The following AFF3 variants were observed in gnomAD, a reference collection of about 807,000 sequenced individuals.
AFF3 encodes the protein AF4/FMR2 family member 3.
Under a neutral mutation model 129.7 loss-of-function variants are expected in AFF3, and 32 were observed. That is an observed-to-expected ratio of 0.25 (90% CI 0.19 to 0.33). The LOEUF (loss-of-function observed/expected upper bound fraction) is 0.33. AFF3 is among the 10% of genes least tolerant of loss of function. AFF3 has a pLI of 1.00. For missense variants in AFF3, 1,373 were observed against 1,592.0 expected, an observed-to-expected ratio of 0.86 and a Z score of 2.34; for synonymous variants, 644 against 635.4, an observed-to-expected ratio of 1.01 and a Z score of -0.20.
chr2:99,895,365 C>T (rs1476072568), intron 7 of AFF3, among the ~76,000 whole-genome samples: 5 of 152,046 alleles, frequency 3.3e-5, no homozygotes, highest in Admixed American at 3.3e-4. Context: ...TAAGTTGAAC[C>T]GCAATTCAGA....
chr2:99,794,651 T>A (rs1302955270), intron 8 of AFF3, among the ~76,000 whole-genome samples: 1 of 152,170 alleles, frequency 6.6e-6, no homozygotes, highest in South Asian at 2.1e-4. Context: ...GTATCTCCAC[T>A]TTAGTATTCT....
chr2:99,678,854 T>G (rs1450199125), intron 11 of AFF3, among the ~76,000 whole-genome samples: 1 of 152,214 alleles, frequency 6.6e-6, no homozygotes, highest in Admixed American at 6.5e-5. Context: ...GAGGGAAAGT[T>G]ATACAACTCA....
At chr2:100,106,149 CCTT>C in intron 2 of AFF3, 1 of 1,227,298 alleles carries the variant, frequency 8.1e-7, no homozygotes, top group South Asian at 1.4e-5. Context: ...AGCCTGGCTC[CCTT>C]CTTCCCCCAG....
intron 8 of AFF3, among the ~76,000 whole-genome samples, chr2:99,773,347 G>A (rs1222670726): frequency 6.6e-6 from 1 of 152,174 alleles, no homozygotes; most frequent in African/African-American, 2.4e-5. Flanking sequence ...CGTGAGGTAG[G>A]ATAAGACAAT....
intron 7 of AFF3, among the ~76,000 whole-genome samples, chr2:99,943,068 C>A (rs1160129507): frequency 6.6e-6 from 1 of 152,170 alleles, no homozygotes; most frequent in Non-Finnish European, 1.5e-5. Context: ...AGATCAATGG[C>A]CATACGAAAG....
At chr2:100,006,512 C>T in intron 7 of AFF3, 120 bp downstream of exon 7, 2 of 1,290,696 alleles carry the variant, frequency 1.5e-6, no homozygotes, top group South Asian at 1.7e-5. Flanking sequence ...GCTACAAATC[C>T]TACCACATGA....
chr2:99,774,936 A>C (rs10865032), intron 8 of AFF3, among the ~76,000 whole-genome samples: 111,614 of 152,150 alleles, frequency 0.73, 42,074 homozygotes, highest in South Asian at 0.9. Context: ...TAGGCAAAGG[A>C]CATGAACAGA....
chr2:99,679,446 G>A (rs1480522026), intron 11 of AFF3, among the ~76,000 whole-genome samples: 2 of 152,112 alleles, frequency 1.3e-5, no homozygotes, highest in African/African-American at 4.8e-5. Flanking sequence ...TTCCCTGGGG[G>A]ACGGCATCTC....
intron 1 of AFF3, among the ~76,000 whole-genome samples, chr2:100,142,115 T>A (rs550471537): frequency 6.6e-6 from 1 of 152,106 alleles, no homozygotes; most frequent in African/African-American, 2.4e-5. Context: ...AACATGAGGT[T>A]AAGACACACT....
At chr2:100,104,855 C>T in intron 3 of AFF3, 5 of 494,460 alleles carry the variant, frequency 1.0e-5, no homozygotes, top group Non-Finnish European at 1.3e-5. Flanking sequence ...CCGCCTCTTT[C>T]TCCTCCGGGA....
intron 7 of AFF3, among the ~76,000 whole-genome samples, chr2:99,890,347 C>T (rs926056315): frequency 6.6e-6 from 1 of 152,162 alleles, no homozygotes; most frequent in Non-Finnish European, 1.5e-5. Context: ...ATGCCTAGCT[C>T]TATACATTCA....
intron 12 of AFF3, among the ~76,000 whole-genome samples, chr2:99,651,217 C>T (rs1685222864): frequency 6.6e-6 from 1 of 151,776 alleles, no homozygotes; most frequent in South Asian, 2.1e-4. Context: ...ATCGGATTCT[C>T]CCAAGTTTTG....
chr2:99,717,067 G>T (rs1301575497), intron 11 of AFF3, among the ~76,000 whole-genome samples: 1 of 152,144 alleles, frequency 6.6e-6, no homozygotes, highest in Non-Finnish European at 1.5e-5. Flanking sequence ...GCTATAGCGT[G>T]AGCAGTTTGT....
intron 8 of AFF3, among the ~76,000 whole-genome samples, chr2:99,783,014 A>G (rs986945183): frequency 7.2e-4 from 109 of 152,236 alleles, no homozygotes; most frequent in African/African-American, 2.6e-3. Flanking sequence ...AAGACAGTCA[A>G]TGGCTGCTTG....
At chr2:99,661,359 A>G (rs1686212322) in intron 12 of AFF3, among the ~76,000 whole-genome samples, 1 of 152,254 alleles carries the variant, frequency 6.6e-6, no homozygotes, top group East Asian at 1.9e-4. Flanking sequence ...CACCATTAAC[A>G]AAAACTTCGC....
intron 4 of AFF3, among the ~76,000 whole-genome samples, chr2:100,084,840 CGT>C (rs1689295334): frequency 6.7e-6 from 1 of 149,568 alleles, no homozygotes; most frequent in African/African-American, 2.5e-5. Flanking sequence ...TGTCCAATTT[CGT>C]GTATCTTTAT....
chr2:99,861,070 G>T (rs1461651200), intron 7 of AFF3, among the ~76,000 whole-genome samples: 2 of 152,122 alleles, frequency 1.3e-5, no homozygotes, highest in African/African-American at 4.8e-5. Context: ...TTTGTGGAGA[G>T]AATCAGAGGG....
chr2:100,115,134 T>C (rs930261944), intron 2 of AFF3, among the ~76,000 whole-genome samples: 2 of 152,218 alleles, frequency 1.3e-5, no homozygotes, highest in African/African-American at 4.8e-5. Flanking sequence ...CATAGCTCAA[T>C]TGCATTGTAA....
chr2:99,584,336 C>A (rs538060992), intron 16 of AFF3, among the ~76,000 whole-genome samples: 1 of 152,044 alleles, frequency 6.6e-6, no homozygotes, highest in African/African-American at 2.4e-5. Context: ...GGTGTGGTGG[C>A]GCATGCCTGT....
Sources: allele counts gnomAD v4.1 joint callset (sites outside exome capture counted in the v4.1 genomes callset), GRCh38; gene constraint gnomAD v4.1.1; transcripts MANE v1.5; gene names NCBI Gene and HGNC (gene_info 2026-07-23, HGNC 2026-07-21).